SPEN: variants seen among roughly 807,000 people sequenced by gnomAD.
SPEN encodes the protein spen family transcriptional repressor.
Under a neutral mutation model 269.9 loss-of-function variants are expected in SPEN, and 18 were observed. The observed-to-expected ratio is 0.07, with a 90% CI of 0.05 to 0.10. SPEN has a LOEUF of 0.10. SPEN is among the 10% of genes least tolerant of loss of function. SPEN has a pLI of 1.00. For missense variants in SPEN, 3,822 were observed against 4,631.2 expected (o/e 0.83, Z 5.07); for synonymous variants, 1,726 against 1,765.7 (o/e 0.98, Z 0.56).
intron 3 of SPEN, among the ~76,000 whole-genome samples, chr1:15,900,722 A>G (rs553199260): frequency 1.3e-5 from 2 of 152,176 alleles, no homozygotes; most frequent in Non-Finnish European, 2.9e-5. Context: ...TGAAATTAGC[A>G]TGTTGGTTTT....
chr1:15,935,090 C>G lies in SPEN; in HGVS notation c.8850C>G (p.Thr2950=). The G allele has an allele frequency of 1.9e-6, 3 of 1,613,926 alleles. No individual in the cohort carries two copies. Among genetic ancestry groups the G allele is most frequent in the Non-Finnish European group, 2.5e-6 (3 of 1,180,000 alleles). ...PVLVHNQLVL[T]PSIVTTNKKL... is the part of the protein sequence containing the mutation. ...TGGTTCACAACCAGCTGGTCCTCAC[C>G]CCAAGCATTGTCACCACAAACAAGA... is the stretch of plus-strand genomic sequence containing the variant. The change falls in exon 11 of 15, where the codon ACC becomes ACG. Residue 2950 remains threonine, a synonymous_variant. Coordinates refer to ENST00000375759, the MANE Select transcript of SPEN (RefSeq NM_015001.3). The surrounding 1 kb of genome is among the most constrained non-coding windows in gnomAD (Gnocchi z 7.7).
chr1:15,857,484 GT>G (rs1410909290), intron 1 of SPEN, among the ~76,000 whole-genome samples: 3 of 152,008 alleles, frequency 2.0e-5, no homozygotes, highest in Admixed American at 1.3e-4. Flanking sequence ...AGCCTCCTGA[GT>G]AGCTGGGATT....
chr1:15,850,368 T>G (rs2070322897), intron 1 of SPEN, among the ~76,000 whole-genome samples: 1 of 151,134 alleles, frequency 6.6e-6, no homozygotes, highest in Non-Finnish European at 1.5e-5. Flanking sequence ...ACTAAGCAGA[T>G]CATGTGTCCC....
At chr1:15,856,016 G>A (rs4288592) in intron 1 of SPEN, among the ~76,000 whole-genome samples, 30,715 of 116,612 alleles carry the variant, frequency 0.26, 4,494 homozygotes, top group South Asian at 0.44. Context: ...TTTTTGAGAC[G>A]GAGTTTCTCT....
chr1:15,885,625 A>G (rs1024068723), intron 3 of SPEN, among the ~76,000 whole-genome samples: 1 of 152,214 alleles, frequency 6.6e-6, no homozygotes, highest in East Asian at 1.9e-4. Flanking sequence ...AACAGCAGGC[A>G]TATTAGTGTC....
Position 15,935,856 on chromosome 1 carries a change from G to A in SPEN, c.9616G>A (p.Val3206Ile), listed in dbSNP as rs1284524934. 3 of 1,613,656 alleles carry A rather than the reference G, an allele frequency of 1.9e-6. No individual in the cohort carries two copies. ...CATGGTGCATCCACATGTGACGGCA[G>A]TCAGCGAGCAGCCCAGGGCCGCGGA... ...RIMVHPHVTA[V>I]SEQPRAADGV... Residue 3206 changes from valine (V) to isoleucine (I), a missense_variant, in exon 11 of 15, where the codon GTC becomes ATC. Physicochemically the swap from Val to Ile is conservative, Grantham distance 29. Transcript: ENST00000375759. The surrounding 1 kb of genome is among the most constrained non-coding windows in gnomAD (Gnocchi z 7.7).
intron 1 of SPEN, among the ~76,000 whole-genome samples, chr1:15,858,588 A>C (rs992701025): frequency 6.6e-6 from 1 of 152,186 alleles, no homozygotes; most frequent in Admixed American, 6.6e-5. Context: ...ATTTCTCAGA[A>C]TGTATCCCTG....
intron 3 of SPEN, among the ~76,000 whole-genome samples, chr1:15,895,131 A>G (rs1225203776): frequency 1.3e-5 from 2 of 151,994 alleles, no homozygotes; most frequent in African/African-American, 4.8e-5. Flanking sequence ...CATGTTGGTC[A>G]GGCTGATCTC....
intron 3 of SPEN, among the ~76,000 whole-genome samples, chr1:15,890,536 A>T (rs1277122666): frequency 7.3e-6 from 1 of 136,996 alleles, no homozygotes; most frequent in South Asian, 2.4e-4. Flanking sequence ...GGCCTGGTTG[A>T]TATTTTTAGA....
rs368279811 is a variant in SPEN, at chr1:15,860,609, CT to C, written c.84-12195del. ...GGTGTGTGAGTCTGGCTATTAGTGA[CT>C]TTTTTTTTTTTGAGATGGAGTCTTG... On this transcript the variant is annotated intron_variant, in intron 1 of 14. Coordinates refer to ENST00000375759, the MANE Select transcript of SPEN (RefSeq NM_015001.3). Among the ~76,000 whole-genome samples the C allele has an allele frequency of 8.0e-3, 1,152 of 143,322 alleles. 12 individuals carry two copies. The highest frequency in any genetic ancestry group is 0.026 in the African/African-American group (1,013 of 39,406). The allele number at this position is 143,322 out of a possible 152,430, so 94.0% of individuals were successfully genotyped here. A position where few individuals can be genotyped will look rare whatever the true frequency, so the allele number is the denominator to read the frequency against.
At chr1:15,858,328 C>T (rs891456043) in intron 1 of SPEN, among the ~76,000 whole-genome samples, 1 of 151,922 alleles carries the variant, frequency 6.6e-6, no homozygotes, top group Non-Finnish European at 1.5e-5. Flanking sequence ...AACATTTTGT[C>T]ACATTTGCTC....
intron 1 of SPEN, among the ~76,000 whole-genome samples, chr1:15,853,651 G>A (rs2070357843): frequency 6.8e-6 from 1 of 147,988 alleles, no homozygotes; most frequent in Non-Finnish European, 1.5e-5. Context: ...ACACCACCAT[G>A]TCTGGCTAAT....
intron 10 of SPEN, among the ~76,000 whole-genome samples, chr1:15,927,243 A>G (rs1371781062): frequency 2.0e-5 from 3 of 152,206 alleles, no homozygotes; most frequent in Non-Finnish European, 4.4e-5. Context: ...GAGTTCTCTC[A>G]TGGTGCTTGC....
At chr1:15,913,866 G>T (rs895538914) in intron 5 of SPEN, among the ~76,000 whole-genome samples, 19 of 152,098 alleles carry the variant, frequency 1.2e-4, no homozygotes, top group African/African-American at 4.6e-4. Flanking sequence ...CCAAGGGGGA[G>T]AAAAAAAGAA....
intron 1 of SPEN, among the ~76,000 whole-genome samples, chr1:15,860,971 CT>C (rs1357543064): frequency 6.6e-6 from 1 of 151,988 alleles, no homozygotes; most frequent in African/African-American, 2.4e-5. Flanking sequence ...GTGGCACGGT[CT>C]TGGCTCACTG....
chr1:15,904,108 G>A (rs953181701), intron 3 of SPEN, among the ~76,000 whole-genome samples: 28 of 152,284 alleles, frequency 1.8e-4, no homozygotes, highest in Middle Eastern at 3.4e-3. Context: ...GTATTTAGGG[G>A]CCTACATTCA....
rs767372320 is a variant in SPEN, at chr1:15,848,160, A to G, written c.83+10A>G. 10 of 1,457,120 alleles carry G rather than the reference A, an allele frequency of 6.9e-6. No individual in the cohort carries two copies. Among genetic ancestry groups the G allele is most frequent in the South Asian group, 1.3e-5 (1 of 76,156 alleles). 90.3% of individuals were successfully genotyped at this position (1,457,120 alleles called of 1,614,324 possible). On this transcript the variant is annotated intron_variant, in intron 1 of 14. Transcript: ENST00000375759. This position sits in a 1 kb window ranked among gnomAD's most constrained non-coding sequence, Gnocchi z 5.1. The stretch of plus-strand genomic sequence containing the variant: ...TCGAGCATTTCAAACGGTGAGTGAC[A>G]CGAGGCCCGCGGCCGCGCTCGCTCC...
In SPEN at chr1:15,933,309, C is replaced by A. The variant is rs865813217; in HGVS notation, c.7069C>A (p.Pro2357Thr). ...GGTGGCTCCTGTAGAGAGCCATGTC[C>A]CTGAATCCAACCAAGCTCAAGGTGA... ...KVVAPVESHVPESNQAQGESP... is the reference protein window; with the variant it reads ...KVVAPVESHVTESNQAQGESP... Residue 2357 changes from proline (P) to threonine (T), a missense_variant, in exon 11 of 15, where the codon CCT becomes ACT. Coordinates refer to ENST00000375759, the MANE Select transcript of SPEN (RefSeq NM_015001.3). This position sits in a 1 kb window ranked among gnomAD's most constrained non-coding sequence, Gnocchi z 5.7. The A allele has an allele frequency of 1.2e-6, 2 of 1,613,954 alleles. No homozygotes were observed.
At chr1:15,905,255 G>T (rs537875715) in intron 3 of SPEN, among the ~76,000 whole-genome samples, 23 of 146,608 alleles carry the variant, frequency 1.6e-4, no homozygotes, top group Non-Finnish European at 3.3e-4. Flanking sequence ...GAGTTTTGCT[G>T]TTGTTGCCCA....
Sources: gnomAD v4.1 joint callset for allele counts (sites outside exome capture counted in the v4.1 genomes callset) on GRCh38, gnomAD v4.1.1 for gene constraint, Gnocchi (gnomAD v3.1) non-coding constraint, MANE v1.5 for transcripts, NCBI Gene and HGNC (gene_info 2026-07-23, HGNC 2026-07-21) for gene names.